Variants in KMT2C observed in about 807,000 individuals in gnomAD.
KMT2C encodes the protein histone-lysine N-methyltransferase 2C.
A neutral mutation model predicts 507.9 loss-of-function variants in KMT2C; 88 were observed. The observed-to-expected ratio is 0.17, with a 90% confidence interval of 0.15 to 0.21. The LOEUF is 0.21. Among genes scored for constraint, KMT2C ranks in the 10% least tolerant of loss-of-function variants. The pLI, the probability that KMT2C is intolerant of heterozygous loss-of-function variation, is 1.00. For missense variants in KMT2C, 4,954 were observed against 5,957.8 expected (o/e 0.83, Z 5.55); for synonymous variants, 2,049 against 2,080.8 (o/e 0.98, Z 0.42).
intron 7 of KMT2C, among the ~76,000 whole-genome samples, chr7:152,271,996 T>TG (rs528356807): frequency 4.6e-4 from 70 of 151,832 alleles, no homozygotes; most frequent in South Asian, 3.1e-3. Flanking sequence ...TATATATTTT[T>TG]GGGGGGGGTC....
At chr7:152,370,204 A>G (rs1303632355) in intron 1 of KMT2C, among the ~76,000 whole-genome samples, 1 of 152,138 alleles carries the variant, frequency 6.6e-6, no homozygotes, top group Non-Finnish European at 1.5e-5. Context: ...AAAAAAAAAA[A>G]AAGAAGACAA....
At chr7:152,268,386 A>T (rs1014295819) in intron 7 of KMT2C, among the ~76,000 whole-genome samples, 1 of 152,226 alleles carries the variant, frequency 6.6e-6, no homozygotes, top group African/African-American at 2.4e-5. Context: ...CTTCTGTTAC[A>T]TAATCAATTA....
At chr7:152,356,741 T>C (rs1350660530) in intron 2 of KMT2C, among the ~76,000 whole-genome samples, 1 of 149,872 alleles carries the variant, frequency 6.7e-6, no homozygotes, top group African/African-American at 2.5e-5. Context: ...AATACAAAAA[T>C]TAGCGAGGCG....
chr7:152,206,682 A>G (rs1414958365), intron 24 of KMT2C, among the ~76,000 whole-genome samples: 2 of 152,320 alleles, frequency 1.3e-5, no homozygotes, highest in Admixed American at 6.5e-5. Flanking sequence ...AAATAAATAC[A>G]TAAAAGCCTA....
At chr7:152,281,773 T>A (rs2096216266) in intron 6 of KMT2C, among the ~76,000 whole-genome samples, 1 of 151,886 alleles carries the variant, frequency 6.6e-6, no homozygotes, top group South Asian at 2.1e-4. Context: ...TTTATTCCCA[T>A]CTAACCACCA....
intron 6 of KMT2C, among the ~76,000 whole-genome samples, chr7:152,280,330 C>G (rs1014240253): frequency 2.0e-5 from 3 of 151,632 alleles, no homozygotes; most frequent in African/African-American, 7.3e-5. Flanking sequence ...ATCACGAGGT[C>G]ATGAGATCAA....
At chr7:152,289,655 TAAG>T (rs1162094589) in intron 6 of KMT2C, among the ~76,000 whole-genome samples, 5 of 152,078 alleles carry the variant, frequency 3.3e-5, no homozygotes, top group East Asian at 1.9e-4. Context: ...GAGTGGACAA[TAAG>T]AAGATTTGAA....
chr7:152,262,898 A>C (rs983576536), intron 9 of KMT2C, 118 bp downstream of exon 9: 1 of 667,868 alleles, frequency 1.5e-6, no homozygotes, highest in African/African-American at 1.8e-5. Context: ...TATGTCAATA[A>C]AGCTGTTTTT....
chr7:152,350,626 G>C lies in KMT2C; in HGVS notation c.250+7961C>G, dbSNP rs547637765. ...ACACAAAAAATGGTACACCTACATA[G>C]AGCACTTACCATGAATGGTGCTTGT... On this transcript the variant is annotated intron_variant, in intron 2 of 58. Coordinates refer to ENST00000262189, the MANE Select transcript of KMT2C (RefSeq NM_170606.3). Among the ~76,000 whole-genome samples the C allele has an allele frequency of 8.5e-5, 13 of 152,280 alleles. No homozygotes were observed. The South Asian group carries it at 2.7e-3, about 32-fold the overall frequency.
chr7:152,193,493 G>A (rs1357471567), intron 31 of KMT2C, among the ~76,000 whole-genome samples: 1 of 152,156 alleles, frequency 6.6e-6, no homozygotes, highest in Non-Finnish European at 1.5e-5. Flanking sequence ...GCAAGACATG[G>A]ACAACTCTAG....
chr7:152,367,920 C>A, intron 1 of KMT2C: 1 of 1,019,534 alleles, frequency 9.8e-7, no homozygotes, highest in Admixed American at 1.8e-5. Flanking sequence ...GATTATCATC[C>A]AACTTATTGC....
chr7:152,309,417 G>A (rs1283842847), intron 6 of KMT2C, among the ~76,000 whole-genome samples: 2 of 146,800 alleles, frequency 1.4e-5, no homozygotes, highest in East Asian at 4.0e-4. Context: ...TCAATCTACT[G>A]GACTCAAGCA....
intron 46 of KMT2C, 84 bp from the exon 47 acceptor site, chr7:152,154,529 T>C: frequency 8.7e-7 from 1 of 1,155,100 alleles, no homozygotes; most frequent in Non-Finnish European, 1.3e-6. Context: ...CATCTGTGAA[T>C]ACAGCTGTAA....
Position 152,158,972 on chromosome 7 carries a change from G to C in KMT2C, c.11561C>G (p.Thr3854Ser), listed in dbSNP as rs1467306566. The change falls in exon 44 of 59, where the codon ACT becomes AGT. Residue 3854 changes from threonine to serine, a missense_variant. By Grantham distance (58) the Thr-to-Ser change is moderately conservative. Transcript: ENST00000262189. ...TGCTGCTTTCTCACCCGTCCTCTGA[G>C]TCCGTTTGCTTCGCTGTTTCTTGGT... ...SETKKQRSKRTQRTGEKAAPR... is the reference protein window; with the variant it reads ...SETKKQRSKRSQRTGEKAAPR... The C allele has an allele frequency of 1.2e-6, 2 of 1,614,042 alleles. No homozygotes were observed. The highest frequency in any genetic ancestry group is 2.7e-5 in the African/African-American group (2 of 74,912).
intron 16 of KMT2C, among the ~76,000 whole-genome samples, chr7:152,232,646 T>A (rs2095155091): frequency 6.6e-6 from 1 of 152,198 alleles, no homozygotes; most frequent in Admixed American, 6.5e-5. Flanking sequence ...GATCTACCTA[T>A]AATGCTTTAA....
At chr7:152,395,671 C>T (rs1191901967) in intron 1 of KMT2C, among the ~76,000 whole-genome samples, 3 of 152,102 alleles carry the variant, frequency 2.0e-5, no homozygotes, top group Admixed American at 6.6e-5. Context: ...CCATGCCAGG[C>T]TAATTTTTGT....
chr7:152,395,355 T>TCC (rs879263079), intron 1 of KMT2C, among the ~76,000 whole-genome samples: 5 of 148,590 alleles, frequency 3.4e-5, no homozygotes, highest in African/African-American at 1.2e-4. Flanking sequence ...GGCTTTTCTT[T>TCC]CCCCCCCCCA....
At chr7:152,368,428 G>A in intron 1 of KMT2C, 1 of 1,147,832 alleles carries the variant, frequency 8.7e-7, no homozygotes, top group Non-Finnish European at 1.3e-6. Context: ...GATGGAGCAG[G>A]TGTTAGAGAT....
Position 152,239,441 on chromosome 7 carries a change from T to C in KMT2C, c.2533-615A>G, listed in dbSNP as rs1460404509. On this transcript the variant is annotated intron_variant, in intron 14 of 58. Coordinates refer to ENST00000262189, the MANE Select transcript of KMT2C (RefSeq NM_170606.3). The stretch of plus-strand genomic sequence containing the variant: ...AGTGACCATTAGTTGTCGGTTTGGT[T>C]TTGGTTTTTACTTAGGGAAATGAAT... Among the ~76,000 whole-genome samples, 19 of 152,204 alleles carry C rather than the reference T, an allele frequency of 1.2e-4. 1 individual carries two copies. The highest frequency in any genetic ancestry group is 2.8e-4 in the Non-Finnish European group (19 of 68,028).
Sources: gnomAD v4.1 joint callset for allele counts (sites outside exome capture counted in the v4.1 genomes callset) on GRCh38, gnomAD v4.1.1 for gene constraint, MANE v1.5 for transcripts, NCBI Gene and HGNC (gene_info 2026-07-23, HGNC 2026-07-21) for gene names.